The following HSPA2 variants were observed in gnomAD, a reference collection of about 807,000 sequenced individuals.
HSPA2 encodes the protein heat shock protein family A (Hsp70) member 2, also known as heat shock-related 70 kDa protein 2.
Under a neutral mutation model 35.0 loss-of-function variants are expected in HSPA2, and 13 were observed. That is an observed-to-expected ratio of 0.37 (90% CI 0.24 to 0.59). The LOEUF is 0.59. Ranked by LOEUF, HSPA2 falls within the 20% of genes least tolerant of loss-of-function variation. HSPA2 has a pLI of 0.70. For missense variants in HSPA2, 565 were observed against 885.4 expected (o/e 0.64, Z 4.59); for synonymous variants, 368 against 382.1 (o/e 0.96, Z 0.43).
In HSPA2 at chr14:64,541,482, C is replaced by T. The variant is rs758808198; in HGVS notation, c.633C>T (p.Ser211=). The T allele has an allele frequency of 3.7e-6, 6 of 1,613,608 alleles. No homozygotes were observed. The Admixed American group carries it at 1.0e-4, about 27-fold the overall frequency. The change falls in exon 1 of 1, where the codon TCC becomes TCT. Residue 211 remains serine, a synonymous_variant. Coordinates refer to ENST00000247207, the MANE Select transcript of HSPA2 (RefSeq NM_021979.4). ...FDLGGGTFDV[S]ILTIEDGIFE... ...TGGGCGGTGGCACTTTCGACGTGTC[C>T]ATCCTGACCATCGAGGATGGCATCT...
chr14:64,542,655 CG>C lies in HSPA2; in HGVS notation c.1807del (p.Glu603LysfsTer45), dbSNP rs767089099. ...AGTATGAACACAAGCAGAAAGAGCT[CG>C]AAAGAGTTTGCAACCCCATCATCAG... The part of the protein sequence containing the change: ...DEYEHKQKEL[E>X]RVCNPIISKL... On this transcript the variant is annotated frameshift_variant, in exon 1 of 1. Coordinates refer to ENST00000247207, the MANE Select transcript of HSPA2 (RefSeq NM_021979.4). LOFTEE classifies it high-confidence loss of function. The surrounding 1 kb of genome is among the most constrained non-coding windows in gnomAD (Gnocchi z 5.7). 2 of 1,613,934 alleles carry C rather than the reference CG, an allele frequency of 1.2e-6. No homozygotes were observed. Among genetic ancestry groups the C allele is most frequent in the South Asian group, 2.2e-5 (2 of 91,062 alleles).
chr14:64,542,737 T>A lies in HSPA2; in HGVS notation c.1888T>A (p.Ser630Thr). The A allele has an allele frequency of 6.2e-7, 1 of 1,612,072 alleles. No homozygotes were observed. Among genetic ancestry groups the A allele is most frequent in the Admixed American group, 1.7e-5 (1 of 59,570 alleles). The change falls in exon 1 of 1, where the codon TCC becomes ACC. Residue 630 changes from serine to threonine, a missense_variant. Coordinates refer to ENST00000247207, the MANE Select transcript of HSPA2 (RefSeq NM_021979.4). The surrounding 1 kb of genome is among the most constrained non-coding windows in gnomAD (Gnocchi z 5.7). ...CAGCGGCGGCGGCGGTTCAGGAGCC[T>A]CCGGGGGACCCACCATCGAAGAAGT... ...GGSGGGGSGA[S>T]GGPTIEEVD
rs576414293 is a variant in HSPA2 at position 64,542,456 on chromosome 14, G to A, written c.1607G>A (p.Arg536His). ...TACAAATCGGAAGATGAGGCGAATC[G>A]CGACCGAGTCGCGGCCAAAAACGCC... ...ERYKSEDEANRDRVAAKNALE... is the reference protein window; with the variant it reads ...ERYKSEDEANHDRVAAKNALE... Residue 536 changes from arginine (R) to histidine (H), a missense_variant, in exon 1 of 1, where the codon CGC becomes CAC. Coordinates refer to ENST00000247207, the MANE Select transcript of HSPA2 (RefSeq NM_021979.4). This position sits in a 1 kb window ranked among gnomAD's most constrained non-coding sequence, Gnocchi z 5.7. 2 of 1,613,766 alleles carry A rather than the reference G, an allele frequency of 1.2e-6. No individual in the cohort carries two copies. The highest frequency in any genetic ancestry group is 2.2e-5 in the South Asian group (2 of 91,082).
chr14:64,538,843 A>T (rs188671856), upstream of HSPA2, among the ~76,000 whole-genome samples: 1 of 152,092 alleles, frequency 6.6e-6, no homozygotes, highest in Non-Finnish European at 1.5e-5. Flanking sequence ...GAGACCATTT[A>T]TTTTATTTTT....
chr14:64,536,023 G>A (rs1036740102), upstream of HSPA2: 2 of 152,136 alleles, frequency 1.3e-5, no homozygotes, highest in African/African-American at 2.4e-5. Flanking sequence ...CCAGTCTCGG[G>A]TGTCTTTATC....
In HSPA2 at chr14:64,542,461, C is replaced by G. The variant is rs375156060; in HGVS notation, c.1612C>G (p.Arg538Gly). 6.2e-7 allele frequency: 1 copy of G among 1,613,626 alleles called. No homozygotes were observed. The highest frequency in any genetic ancestry group is 1.3e-5 in the African/African-American group (1 of 74,922). ...ATCGGAAGATGAGGCGAATCGCGAC[C>G]GAGTCGCGGCCAAAAACGCCCTGGA... is the stretch of plus-strand genomic sequence containing the variant. ...YKSEDEANRD[R>G]VAAKNALESY... The change falls in exon 1 of 1, where the codon CGA becomes GGA. Residue 538 changes from arginine (R) to glycine (G), a missense_variant. Arg to Gly is a moderately radical substitution (Grantham distance 125). Transcript: ENST00000247207. This position sits in a 1 kb window ranked among gnomAD's most constrained non-coding sequence, Gnocchi z 5.7.
chr14:64,537,332 C>T (rs550746148), upstream of HSPA2, among the ~76,000 whole-genome samples: 6 of 152,148 alleles, frequency 3.9e-5, no homozygotes, highest in Non-Finnish European at 4.4e-5. Flanking sequence ...AAACTCAGGC[C>T]TGTAATCCCA....
chr14:64,538,452 T>C (rs888333796), upstream of HSPA2, among the ~76,000 whole-genome samples: 38 of 152,212 alleles, frequency 2.5e-4, no homozygotes, highest in Admixed American at 2.4e-3. Context: ...GTGACACTAA[T>C]CTTCTGTACA....
chr14:64,539,111 C>T (rs1203587192), upstream of HSPA2, among the ~76,000 whole-genome samples: 1 of 152,170 alleles, frequency 6.6e-6, no homozygotes, highest in Non-Finnish European at 1.5e-5. Context: ...CGTCCAGGAG[C>T]CCATTTATAT....
At chr14:64,540,347 C>G (rs898722928), upstream of HSPA2, 1 of 184,454 alleles carries the variant, frequency 5.4e-6, no homozygotes, top group Non-Finnish European at 1.2e-5. Flanking sequence ...CCTCCCCGTG[C>G]CGCGCCTCAG....
upstream of HSPA2, among the ~76,000 whole-genome samples, chr14:64,536,201 C>G: frequency 6.6e-6 from 1 of 152,240 alleles, no homozygotes; most frequent in East Asian, 1.9e-4. Flanking sequence ...TAAGAAGATA[C>G]AAGTTTCATA....
upstream of HSPA2, chr14:64,540,298 T>TCC (rs2080015996): frequency 5.7e-6 from 1 of 174,838 alleles, no homozygotes; most frequent in Non-Finnish European, 1.2e-5. Context: ...GAGCGAACTC[T>TCC]CCCAGTGGCT....
rs1276518719 is a variant in HSPA2, at chr14:64,541,860, C to T, written c.1011C>T (p.Ile337=). ...AKLDKGQIQE[I]VLVGGSTRIP... ...TGGACAAGGGCCAGATCCAGGAGAT[C>T]GTGCTGGTGGGCGGCTCCACTCGTA... Residue 337 remains isoleucine, a synonymous_variant, in exon 1 of 1, where the codon ATC becomes ATT. Coordinates refer to ENST00000247207, the MANE Select transcript of HSPA2 (RefSeq NM_021979.4). 1 of 1,613,508 alleles carries T rather than the reference C, an allele frequency of 6.2e-7. No individual in the cohort carries two copies. Among genetic ancestry groups the T allele is most frequent in the Admixed American group, 1.7e-5 (1 of 60,010 alleles).
Position 64,541,793 on chromosome 14 carries a change from G to A in HSPA2, c.944G>A (p.Gly315Glu). ...FEELNADLFR[G>E]TLEPVEKALR... ...GAGCTCAATGCCGACCTCTTTCGCG[G>A]GACCCTGGAGCCGGTGGAGAAGGCG... The change falls in exon 1 of 1, where the codon GGG (glycine) becomes GAG (glutamate). Residue 315 changes from glycine (G) to glutamate (E), a missense_variant. By Grantham distance (98) the Gly-to-Glu change is moderately conservative (BLOSUM62 -2). Coordinates refer to ENST00000247207, the MANE Select transcript of HSPA2 (RefSeq NM_021979.4). 1.2e-6 allele frequency: 2 copies of A among 1,613,462 alleles called. No homozygotes were observed. The highest frequency in any genetic ancestry group is 8.5e-7 in the Non-Finnish European group (1 of 1,180,036).
chr14:64,541,310 C>T lies in HSPA2; in HGVS notation c.461C>T (p.Ser154Leu). ...VITVPAYFNDSQRQATKDAGT... is the reference protein window; with the variant it reads ...VITVPAYFNDLQRQATKDAGT... ...ACGGTCCCGGCCTATTTCAACGACTCGCAGCGCCAGGCCACCAAGGACGCA... is the reference window on the plus strand; with the variant it reads ...ACGGTCCCGGCCTATTTCAACGACTTGCAGCGCCAGGCCACCAAGGACGCA... The change falls in exon 1 of 1, where the codon TCG becomes TTG. Residue 154 changes from serine to leucine, a missense_variant. By Grantham distance (145) the Ser-to-Leu change is moderately radical. This residue lies in a region of HSPA2 where 183 missense variants were observed against 281.6 expected (regional missense o/e 0.65). Coordinates refer to ENST00000247207, the MANE Select transcript of HSPA2 (RefSeq NM_021979.4). 6.2e-7 allele frequency: 1 copy of T among 1,613,728 alleles called. No homozygotes were observed. The highest frequency in any genetic ancestry group is 8.5e-7 in the Non-Finnish European group (1 of 1,180,048).
At position 64,541,096 on chromosome 14, in the gene HSPA2, A is replaced by G. The variant is rs1351373431; in HGVS notation, c.247A>G (p.Thr83Ala). The change falls in exon 1 of 1, where the codon ACA becomes GCA. Residue 83 changes from threonine (T) to alanine (A), a missense_variant. By Grantham distance (58) the Thr-to-Ala change is moderately conservative. Coordinates refer to ENST00000247207, the MANE Select transcript of HSPA2 (RefSeq NM_021979.4). ...GATTGGACGGAAATTCGAGGATGCC[A>G]CAGTGCAGTCGGATATGAAACACTG... Reference protein sequence around the residue: ...RLIGRKFEDATVQSDMKHWPF... With the variant: ...RLIGRKFEDAAVQSDMKHWPF... The G allele has an allele frequency of 6.2e-7, 1 of 1,614,236 alleles. No individual in the cohort carries two copies.
In HSPA2 at chr14:64,542,464, G is replaced by T. The variant is rs1204752378; in HGVS notation, c.1615G>T (p.Val539Phe). 1 of 1,613,714 alleles carries T rather than the reference G, an allele frequency of 6.2e-7. No homozygotes were observed. The highest frequency in any genetic ancestry group is 2.2e-5 in the East Asian group (1 of 44,798). The change falls in exon 1 of 1, where the codon GTC (valine) becomes TTC (phenylalanine). Residue 539 changes from valine (V) to phenylalanine (F), a missense_variant. By Grantham distance (50) the Val-to-Phe change is conservative. Coordinates refer to ENST00000247207, the MANE Select transcript of HSPA2 (RefSeq NM_021979.4). The surrounding 1 kb of genome is among the most constrained non-coding windows in gnomAD (Gnocchi z 5.7). The stretch of plus-strand genomic sequence containing the variant: ...GGAAGATGAGGCGAATCGCGACCGA[G>T]TCGCGGCCAAAAACGCCCTGGAGTC... ...KSEDEANRDRVAAKNALESYT... is the reference protein window; with the variant it reads ...KSEDEANRDRFAAKNALESYT...
Position 64,541,685 on chromosome 14 carries a change from C to A in HSPA2, c.836C>A (p.Ser279Ter). 1 of 1,611,864 alleles carries A rather than the reference C, an allele frequency of 6.2e-7. No homozygotes were observed. Among genetic ancestry groups the A allele is most frequent in the Non-Finnish European group, 8.5e-7 (1 of 1,179,708 alleles). ...ACERAKRTLS[S>*]STQASIEIDS... ...GAGCGCGCCAAGCGCACCCTGAGCT[C>A]GTCCACGCAGGCGAGCATCGAGATC... Residue 279 changes from serine to a stop codon, truncating the protein, a stop_gained, in exon 1 of 1, where the codon TCG (serine) becomes TAG (stop). Transcript: ENST00000247207. LOFTEE classifies it high-confidence loss of function.
At chr14:64,538,860 C>T (rs756434559), upstream of HSPA2, among the ~76,000 whole-genome samples, 2 of 152,320 alleles carry the variant, frequency 1.3e-5, no homozygotes, top group African/African-American at 2.4e-5. Flanking sequence ...TTTTTTGAGA[C>T]GGAGTCTCGT....
Sources: gnomAD v4.1 joint callset for allele counts (sites outside exome capture counted in the v4.1 genomes callset) on GRCh38, gnomAD v4.1.1 for gene constraint, gnomAD v4.1.1 regional missense constraint, Gnocchi (gnomAD v3.1) non-coding constraint, MANE v1.5 for transcripts, NCBI Gene and HGNC (gene_info 2026-07-23, HGNC 2026-07-21) for gene names.